Variants in AKT3 observed in about 807,000 individuals in gnomAD.
The protein encoded by AKT3 is AKT serine/threonine kinase 3, also known as RAC-gamma serine/threonine-protein kinase.
Under a neutral mutation model 65.3 loss-of-function variants are expected in AKT3, and 15 were observed. The observed-to-expected ratio is 0.23, with a 90% CI of 0.15 to 0.35. AKT3 has a LOEUF of 0.35. Among genes scored for constraint, AKT3 ranks in the 10% least tolerant of loss-of-function variants. The pLI, the probability that AKT3 is intolerant of heterozygous loss-of-function variation, is 1.00. For missense variants in AKT3, 243 were observed against 576.5 expected (o/e 0.42, Z 5.92); for synonymous variants, 206 against 183.8 (o/e 1.12, Z -0.98).
intron 4 of AKT3, among the ~76,000 whole-genome samples, chr1:243,659,162 A>G (rs1682069801): frequency 6.6e-6 from 1 of 152,262 alleles, no homozygotes; most frequent in African/African-American, 2.4e-5. Flanking sequence ...GGGAAGTAAG[A>G]CAGTAACAGG....
chr1:243,701,628 C>T (rs1685465312), intron 2 of AKT3, among the ~76,000 whole-genome samples: 1 of 142,922 alleles, frequency 7.0e-6, no homozygotes, highest in Non-Finnish European at 1.5e-5. Context: ...AACACAATCA[C>T]CATTTTAAAA....
chr1:243,669,734 A>G (rs1683040426), intron 3 of AKT3, among the ~76,000 whole-genome samples: 1 of 152,208 alleles, frequency 6.6e-6, no homozygotes. Flanking sequence ...AATTACTATA[A>G]TTTATAAGGC....
At chr1:243,673,224 T>C (rs1683272598) in intron 3 of AKT3, among the ~76,000 whole-genome samples, 2 of 152,238 alleles carry the variant, frequency 1.3e-5, no homozygotes, top group African/African-American at 4.8e-5. Context: ...TTGATTTACT[T>C]TCACTGTATA....
rs147959857 is a variant in AKT3, at chr1:243,639,070, T to C, written c.430-1328A>G. Among the ~76,000 whole-genome samples, 529 of 152,204 alleles carry C rather than the reference T, an allele frequency of 3.5e-3. 2 individuals are homozygous for C. Among genetic ancestry groups the C allele is most frequent in the African/African-American group, 0.012 (511 of 41,530 alleles). Reference sequence around the variant, plus strand: ...GGCATCACTACAGATTCTACAGATATTAAAAGAAACGTAAGAGACTATTAT... The same window carrying C: ...GGCATCACTACAGATTCTACAGATACTAAAAGAAACGTAAGAGACTATTAT... On this transcript the variant is annotated intron_variant, in intron 5 of 13. Transcript: ENST00000673466.
intron 2 of AKT3, among the ~76,000 whole-genome samples, chr1:243,744,699 C>A (rs1479677864): frequency 2.0e-5 from 3 of 149,056 alleles, no homozygotes; most frequent in African/African-American, 4.9e-5. Flanking sequence ...AGATCGCGCC[C>A]CTGCACTCCA....
intron 2 of AKT3, among the ~76,000 whole-genome samples, chr1:243,786,462 T>C (rs576735285): frequency 1.3e-5 from 2 of 152,356 alleles, no homozygotes; most frequent in South Asian, 2.1e-4. Context: ...GGTATTGTTG[T>C]TCCTAGCTGT....
intron 2 of AKT3, among the ~76,000 whole-genome samples, chr1:243,831,882 TG>T (rs1558854633): frequency 1.3e-5 from 2 of 152,072 alleles, no homozygotes; most frequent in East Asian, 3.9e-4. Flanking sequence ...AAACAAAATC[TG>T]AAGTATCTAA....
intron 12 of AKT3, among the ~76,000 whole-genome samples, chr1:243,515,116 C>A (rs1010431000): frequency 6.6e-6 from 1 of 152,218 alleles, no homozygotes; most frequent in Non-Finnish European, 1.5e-5. Flanking sequence ...CATGTCACCA[C>A]ATGTATCAAT....
chr1:243,641,258 G>GTA (rs74162300), intron 5 of AKT3, among the ~76,000 whole-genome samples: 106,122 of 140,958 alleles, frequency 0.75, 40,279 homozygotes, highest in Non-Finnish European at 0.82. Flanking sequence ...ATGTGTGTGT[G>GTA]TATATATATA....
intron 8 of AKT3, among the ~76,000 whole-genome samples, chr1:243,601,594 TCA>T (rs1677007146): frequency 6.6e-6 from 1 of 152,110 alleles, no homozygotes; most frequent in Non-Finnish European, 1.5e-5. Context: ...AAATATATAT[TCA>T]CACACAGATT....
intron 8 of AKT3, among the ~76,000 whole-genome samples, chr1:243,584,034 T>C (rs1277108351): frequency 1.3e-5 from 2 of 152,042 alleles, no homozygotes; most frequent in Non-Finnish European, 2.9e-5. Flanking sequence ...AAGCCAAAAG[T>C]TGGTTCTTTG....
intron 2 of AKT3, among the ~76,000 whole-genome samples, chr1:243,800,008 T>C (rs1405525503): frequency 6.6e-6 from 1 of 152,154 alleles, no homozygotes; most frequent in African/African-American, 2.4e-5. Context: ...TAGCTCTTAT[T>C]CTCTGTCTTA....
At chr1:243,824,064 T>C (rs1217138603) in intron 2 of AKT3, among the ~76,000 whole-genome samples, 1 of 152,128 alleles carries the variant, frequency 6.6e-6, no homozygotes, top group Non-Finnish European at 1.5e-5. Context: ...AACAGACACA[T>C]AGACCAACGG....
intron 2 of AKT3, among the ~76,000 whole-genome samples, chr1:243,799,462 G>T (rs1316169304): frequency 6.6e-6 from 1 of 152,150 alleles, no homozygotes; most frequent in African/African-American, 2.4e-5. Flanking sequence ...AGTTACAGTT[G>T]CTGACTCATT....
At chr1:243,658,334 T>C (rs549213811) in intron 4 of AKT3, among the ~76,000 whole-genome samples, 1 of 152,260 alleles carries the variant, frequency 6.6e-6, no homozygotes, top group East Asian at 1.9e-4. Flanking sequence ...ATACAAATGA[T>C]ACACAGGTAT....
At chr1:243,496,023 T>G (rs1198309710), downstream of AKT3, among the ~76,000 whole-genome samples, 1 of 152,192 alleles carries the variant, frequency 6.6e-6, no homozygotes, top group Non-Finnish European at 1.5e-5. Context: ...AAGAACCAGC[T>G]TCCCTTTAAA....
intron 8 of AKT3, among the ~76,000 whole-genome samples, chr1:243,601,313 T>A (rs1676984802): frequency 6.6e-6 from 1 of 152,114 alleles, no homozygotes; most frequent in Non-Finnish European, 1.5e-5. Context: ...AAAGATGATG[T>A]ATAAATGGCA....
intron 3 of AKT3, among the ~76,000 whole-genome samples, chr1:243,667,131 A>T (rs761252889): frequency 3.3e-5 from 5 of 152,190 alleles, no homozygotes; most frequent in Non-Finnish European, 7.3e-5. Context: ...GTAAAGTAAG[A>T]CATCGTTACC....
At chr1:243,797,244 C>T (rs1487865051) in intron 2 of AKT3, among the ~76,000 whole-genome samples, 1 of 151,576 alleles carries the variant, frequency 6.6e-6, no homozygotes, top group Non-Finnish European at 1.5e-5. Context: ...CTATGCAAAG[C>T]TCTCTCTCTC....
Sources: allele counts gnomAD v4.1 joint callset (sites outside exome capture counted in the v4.1 genomes callset), GRCh38; gene constraint gnomAD v4.1.1; transcripts MANE v1.5; gene names NCBI Gene and HGNC (gene_info 2026-07-23, HGNC 2026-07-21).